STAT4: variants seen among roughly 807,000 people sequenced by gnomAD.
The protein encoded by STAT4 is signal transducer and activator of transcription 4.
A neutral mutation model predicts 110.5 loss-of-function variants in STAT4; 42 were observed. That is an observed-to-expected ratio of 0.38 (90% CI 0.30 to 0.49). STAT4 has a LOEUF of 0.49. Ranked by LOEUF, STAT4 falls within the 20% of genes least tolerant of loss-of-function variation. The probability of loss-of-function intolerance (pLI) is 0.95; values close to 1 mark genes in which losing one functional copy is unlikely to be tolerated. For synonymous variants in STAT4, 284 were observed against 302.2 expected (o/e 0.94, Z 0.63); for missense variants, 632 against 887.9 (o/e 0.71, Z 3.66).
intron 14 of STAT4, among the ~76,000 whole-genome samples, chr2:191,045,137 T>A (rs1478699462): frequency 2.0e-5 from 3 of 152,148 alleles, no homozygotes; most frequent in East Asian, 3.8e-4. Flanking sequence ...ATATAAAATT[T>A]AAAAAAATCA....
intron 3 of STAT4, among the ~76,000 whole-genome samples, chr2:191,128,667 A>T (rs1191847142): frequency 6.6e-6 from 1 of 152,174 alleles, no homozygotes; most frequent in Non-Finnish European, 1.5e-5. Context: ...ATGGTGGTTC[A>T]GAGAGTAGAA....
Position 191,116,551 on chromosome 2 carries a change from A to G in STAT4, c.273+30062T>C, listed in dbSNP as rs1698578167. 6.6e-6 allele frequency among the ~76,000 whole-genome samples: 1 copy of G among 152,218 alleles called. No individual in the cohort carries two copies. Among genetic ancestry groups the G allele is most frequent in the Non-Finnish European group, 1.5e-5 (1 of 68,028 alleles). The stretch of plus-strand genomic sequence containing the variant: ...ATAGATTTAGAATTTTTTTAAAAGC[A>G]TATTGCATGAAATTTAGACAAAGGT... On this transcript the variant is annotated intron_variant, in intron 3 of 23. Transcript: ENST00000392320. The surrounding 1 kb of genome is among the most constrained non-coding windows in gnomAD (Gnocchi z 4.1).
At chr2:191,136,015 AAAAAAAACC>A (rs1699170975) in intron 3 of STAT4, among the ~76,000 whole-genome samples, 4 of 128,034 alleles carry the variant, frequency 3.1e-5, no homozygotes, top group Admixed American at 8.7e-5. Context: ...GAAAAAAAAA[AAAAAAAACC>A]AAAAAACAAA....
At chr2:191,111,377 C>T (rs916048366) in intron 3 of STAT4, among the ~76,000 whole-genome samples, 4 of 152,088 alleles carry the variant, frequency 2.6e-5, no homozygotes, top group Non-Finnish European at 5.9e-5. Context: ...ATATAATTTG[C>T]TTTTTCAGTT....
At chr2:191,056,779 A>ATTT (rs34775786) in intron 13 of STAT4, among the ~76,000 whole-genome samples, 34 of 94,510 alleles carry the variant, frequency 3.6e-4, no homozygotes, top group African/African-American at 1.0e-3. Context: ...CTTCTACACT[A>ATTT]TTTTTTTTTT....
At position 191,059,677 on chromosome 2, in the gene STAT4, G is replaced by A. The variant is rs1696797880; in HGVS notation, c.1035-908C>T. 6.6e-6 allele frequency among the ~76,000 whole-genome samples: 1 copy of A among 152,194 alleles called. No homozygotes were observed. Among genetic ancestry groups the A allele is most frequent in the Non-Finnish European group, 1.5e-5 (1 of 68,036 alleles). ...ACACAAATGGAAAACAGAGAATATG[G>A]CGATAAGCAGCTCACTGGCATTAGA... On this transcript the variant is annotated intron_variant, in intron 10 of 23. Coordinates refer to ENST00000392320, the MANE Select transcript of STAT4 (RefSeq NM_003151.4). The surrounding 1 kb of genome is among the most constrained non-coding windows in gnomAD (Gnocchi z 4.7).
chr2:191,064,762 T>C (rs1696940607), intron 8 of STAT4, 45 bp downstream of exon 8: 2 of 1,584,704 alleles, frequency 1.3e-6, no homozygotes, highest in Admixed American at 3.6e-5. Context: ...TGAAGTTTTG[T>C]GTTTCCTGTG....
At chr2:191,097,914 G>A (rs1158492673) in intron 3 of STAT4, among the ~76,000 whole-genome samples, 2 of 150,566 alleles carry the variant, frequency 1.3e-5, no homozygotes, top group African/African-American at 2.4e-5. Flanking sequence ...AAATTTACAA[G>A]AAAAAAAAAC....
At chr2:191,088,302 G>T (rs541419345) in intron 3 of STAT4, among the ~76,000 whole-genome samples, 1 of 152,212 alleles carries the variant, frequency 6.6e-6, no homozygotes, top group African/African-American at 2.4e-5. Flanking sequence ...GAAATTGAAA[G>T]CACAATGCTA....
rs887580266 is a variant in STAT4 at position 191,140,428 on chromosome 2, G to A, written c.273+6185C>T. Among the ~76,000 whole-genome samples, 4 of 152,044 alleles carry A rather than the reference G, an allele frequency of 2.6e-5. No individual in the cohort carries two copies. Among genetic ancestry groups the A allele is most frequent in the East Asian group, 3.8e-4 (2 of 5,198 alleles). On this transcript the variant is annotated intron_variant, in intron 3 of 23. Coordinates refer to ENST00000392320, the MANE Select transcript of STAT4 (RefSeq NM_003151.4). The surrounding 1 kb of genome is among the most constrained non-coding windows in gnomAD (Gnocchi z 4.4). ...ACTAATAATAATCCCATCAAAAAGC[G>A]GGCAAAGGACTTGAATACACAATTC...
At position 191,037,219 on chromosome 2, in the gene STAT4, A is replaced by G. The variant is rs1696069034; in HGVS notation, c.1435-920T>C. On this transcript the variant is annotated intron_variant, in intron 16 of 23. Transcript: ENST00000392320. This position sits in a 1 kb window ranked among gnomAD's most constrained non-coding sequence, Gnocchi z 4.8. ...ATCATCCCAAAGTGCTAGAAATGGT[A>G]AAGTCCCAGGCTAGGGAAGGTGACC... Among the ~76,000 whole-genome samples, 1 of 152,238 alleles carries G rather than the reference A, an allele frequency of 6.6e-6. No individual in the cohort carries two copies. The highest frequency in any genetic ancestry group is 6.5e-5 in the Admixed American group (1 of 15,288).
At position 191,133,606 on chromosome 2, in the gene STAT4, A is replaced by T. The variant is rs577866066; in HGVS notation, c.273+13007T>A. On this transcript the variant is annotated intron_variant, in intron 3 of 23. Coordinates refer to ENST00000392320, the MANE Select transcript of STAT4 (RefSeq NM_003151.4). ...CAGGCCATAGATTTTTTATTTTTTC[A>T]TACTTTCTTCTTTGCACTTTTTGTG... is the stretch of plus-strand genomic sequence containing the variant. Among the ~76,000 whole-genome samples the T allele has an allele frequency of 2.8e-4, 42 of 151,744 alleles. 1 individual carries two copies. The highest frequency in any genetic ancestry group is 1.0e-3 in the African/African-American group (41 of 41,124).
intron 3 of STAT4, among the ~76,000 whole-genome samples, chr2:191,092,083 A>C (rs1443977977): frequency 6.6e-6 from 1 of 152,150 alleles, no homozygotes; most frequent in South Asian, 2.1e-4. Flanking sequence ...GTCAATCCAG[A>C]AGTAAAAGTT....
intron 3 of STAT4, among the ~76,000 whole-genome samples, chr2:191,123,904 A>G (rs114627097): frequency 0.01 from 1,591 of 152,320 alleles, 36 homozygotes; most frequent in African/African-American, 0.036. Flanking sequence ...TTGCTTTTGT[A>G]CCATCATAAA....
intron 6 of STAT4, among the ~76,000 whole-genome samples, chr2:191,067,290 GTC>G (rs941777649): frequency 2.0e-5 from 3 of 151,934 alleles, no homozygotes; most frequent in African/African-American, 7.3e-5. Context: ...CAGCCTCAAG[GTC>G]TCTCTCAATC....
At chr2:191,108,449 T>A (rs190341879) in intron 3 of STAT4, among the ~76,000 whole-genome samples, 78 of 152,316 alleles carry the variant, frequency 5.1e-4, no homozygotes, top group Non-Finnish European at 1.0e-3. Context: ...ATTCTTTCAC[T>A]TGCACATATG....
chr2:191,065,378 CT>C (rs1696960660), intron 7 of STAT4, among the ~76,000 whole-genome samples: 1 of 152,006 alleles, frequency 6.6e-6, no homozygotes, highest in South Asian at 2.1e-4. Context: ...TTTCTTAGGA[CT>C]TTTTCTGGGT....
chr2:191,128,658 T>C (rs1698948722), intron 3 of STAT4, among the ~76,000 whole-genome samples: 1 of 152,140 alleles, frequency 6.6e-6, no homozygotes. Context: ...AAATAGGCCA[T>C]GGTGGTTCAG....
At chr2:191,097,986 T>C (rs1387816274) in intron 3 of STAT4, among the ~76,000 whole-genome samples, 1 of 152,066 alleles carries the variant, frequency 6.6e-6, no homozygotes, top group African/African-American at 2.4e-5. Flanking sequence ...AGAAGACATT[T>C]ATGCAGCCAA....
Sources: gnomAD v4.1 joint callset for allele counts (sites outside exome capture counted in the v4.1 genomes callset) on GRCh38, gnomAD v4.1.1 for gene constraint, Gnocchi (gnomAD v3.1) non-coding constraint, MANE v1.5 for transcripts, NCBI Gene and HGNC (gene_info 2026-07-23, HGNC 2026-07-21) for gene names.